Variants in CNTNAP5 observed in about 807,000 individuals in gnomAD.
CNTNAP5 encodes the protein contactin-associated protein-like 5.
In CNTNAP5, 72 loss-of-function variants were observed where a neutral mutation model predicts 150.2. That is an observed-to-expected ratio of 0.48 (90% CI 0.40 to 0.58). CNTNAP5 has a LOEUF of 0.58. Among genes scored for constraint, CNTNAP5 ranks in the 20% least tolerant of loss-of-function variants. CNTNAP5 has a pLI of 0.00. For synonymous variants in CNTNAP5, 672 were observed against 619.8 expected (o/e 1.08, Z -1.25); for missense variants, 1,636 against 1,626.2 (o/e 1.01, Z -0.10).
rs577959280 is a variant in CNTNAP5 at position 124,476,152 on chromosome 2, C to T, written c.1062+1270C>T. Among the ~76,000 whole-genome samples, 10 of 152,172 alleles carry T rather than the reference C, an allele frequency of 6.6e-5. No homozygotes were observed. The East Asian group carries it at 1.7e-3, about 26-fold the overall frequency. On this transcript the variant is annotated intron_variant, in intron 7 of 23. Transcript: ENST00000682447. The stretch of plus-strand genomic sequence containing the variant: ...AGAAACCTAATTTCCATTGACATCC[C>T]TTTATCTTCCCTTATTTATTTTACA...
intron 1 of CNTNAP5, among the ~76,000 whole-genome samples, chr2:124,073,125 A>G (rs1021534963): frequency 2.1e-4 from 32 of 152,156 alleles, no homozygotes; most frequent in African/African-American, 7.2e-4. Flanking sequence ...AGTCTCTTCA[A>G]TAAATGGTGC....
intron 1 of CNTNAP5, among the ~76,000 whole-genome samples, chr2:124,192,078 G>A (rs1026162671): frequency 2.6e-5 from 4 of 152,180 alleles, no homozygotes; most frequent in African/African-American, 4.8e-5. Flanking sequence ...TATTGCTTAA[G>A]TGTGGAGCAG....
chr2:124,756,501 A>AT (rs774868682), intron 14 of CNTNAP5, among the ~76,000 whole-genome samples: 46 of 152,322 alleles, frequency 3.0e-4, no homozygotes, highest in Non-Finnish European at 8.8e-5. Flanking sequence ...TAGCAAAGGC[A>AT]TGAAATCCAC....
chr2:124,706,732 GTGAGACTC>G (rs1679646236), intron 13 of CNTNAP5, among the ~76,000 whole-genome samples: 1 of 131,120 alleles, frequency 7.6e-6, no homozygotes, highest in African/African-American at 2.9e-5. Flanking sequence ...GAGTGACAGA[GTGAGACTC>G]TGTTTCAAGA....
intron 19 of CNTNAP5, among the ~76,000 whole-genome samples, chr2:124,805,707 C>G (rs1005672439): frequency 6.6e-6 from 1 of 152,204 alleles, no homozygotes; most frequent in Admixed American, 6.5e-5. Context: ...ATGACATAAA[C>G]AACAACAATT....
chr2:124,310,918 G>C (rs1277327777), intron 3 of CNTNAP5, among the ~76,000 whole-genome samples: 2 of 152,156 alleles, frequency 1.3e-5, no homozygotes, highest in Admixed American at 6.5e-5. Flanking sequence ...TAACCATGCT[G>C]AGTTTAATGC....
At chr2:124,501,508 T>C (rs1694279267) in intron 7 of CNTNAP5, among the ~76,000 whole-genome samples, 2 of 152,208 alleles carry the variant, frequency 1.3e-5, no homozygotes, top group Admixed American at 1.3e-4. Flanking sequence ...TCTAAAGTAA[T>C]GTCTTCTCAC....
intron 4 of CNTNAP5, among the ~76,000 whole-genome samples, chr2:124,429,449 ACTAGTGT>A (rs1370084118): frequency 6.6e-6 from 1 of 152,222 alleles, no homozygotes; most frequent in African/African-American, 2.4e-5. Context: ...AATACTCAAT[ACTAGTGT>A]CTGGGAAGGA....
At chr2:124,783,318 T>C (rs1249789429) in intron 17 of CNTNAP5, among the ~76,000 whole-genome samples, 1 of 152,136 alleles carries the variant, frequency 6.6e-6, no homozygotes, top group African/African-American at 2.4e-5. Flanking sequence ...TCATCATAAG[T>C]TTTAATGGTT....
At chr2:124,822,158 G>A (rs1175960234) in intron 19 of CNTNAP5, among the ~76,000 whole-genome samples, 1 of 152,124 alleles carries the variant, frequency 6.6e-6, no homozygotes, top group Non-Finnish European at 1.5e-5. Flanking sequence ...TCTGTGCTCT[G>A]TAGCCTCAGG....
At chr2:124,560,334 G>T (rs1695858666) in intron 10 of CNTNAP5, among the ~76,000 whole-genome samples, 1 of 151,942 alleles carries the variant, frequency 6.6e-6, no homozygotes, top group South Asian at 2.1e-4. Flanking sequence ...CCGTAGTAGA[G>T]ATGGATAAAC....
chr2:124,270,688 C>T (rs191934939), intron 3 of CNTNAP5, among the ~76,000 whole-genome samples: 8 of 151,486 alleles, frequency 5.3e-5, no homozygotes, highest in Admixed American at 3.9e-4. Flanking sequence ...CACATGTGCG[C>T]GTGCTTGCGT....
rs10564494 is a variant in CNTNAP5, at chr2:124,279,224, A to AGT, written c.381+36854_381+36855dup. On this transcript the variant is annotated intron_variant, in intron 3 of 23. Transcript: ENST00000682447. ...TATATTCTTAGTTAAAACTGTAGGAAGTGTGTGTGTGTGTGTGTGTGTGTC... is the reference window on the plus strand; with the variant it reads ...TATATTCTTAGTTAAAACTGTAGGAAGTGTGTGTGTGTGTGTGTGTGTGTGTC... Among the ~76,000 whole-genome samples, 625 of 150,142 alleles carry AGT rather than the reference A, an allele frequency of 4.2e-3. 5 individuals carry two copies. Among genetic ancestry groups the AGT allele is most frequent in the East Asian group, 0.025 (125 of 5,074 alleles).
intron 19 of CNTNAP5, among the ~76,000 whole-genome samples, chr2:124,820,463 G>A (rs1682462504): frequency 1.3e-5 from 2 of 148,516 alleles, no homozygotes; most frequent in Admixed American, 6.6e-5. Context: ...GAGGTGGAAA[G>A]GAAGGGGAAA....
chr2:124,177,797 C>T (rs1685104646), intron 1 of CNTNAP5, among the ~76,000 whole-genome samples: 1 of 151,588 alleles, frequency 6.6e-6, no homozygotes, highest in African/African-American at 2.4e-5. Flanking sequence ...CTTTCTATAT[C>T]AGGTTTTTGT....
At chr2:124,282,560 T>C (rs1688039270) in intron 3 of CNTNAP5, among the ~76,000 whole-genome samples, 1 of 152,160 alleles carries the variant, frequency 6.6e-6, no homozygotes, top group African/African-American at 2.4e-5. Context: ...TTTCTATTTA[T>C]TAATGTATGT....
chr2:124,733,314 C>T (rs575513145), intron 13 of CNTNAP5, among the ~76,000 whole-genome samples: 2 of 151,928 alleles, frequency 1.3e-5, no homozygotes, highest in Admixed American at 6.6e-5. Flanking sequence ...AGATAGTATG[C>T]AGTCAGTCAA....
chr2:124,833,817 G>A (rs77657863), intron 19 of CNTNAP5, among the ~76,000 whole-genome samples: 1,564 of 152,174 alleles, frequency 0.01, 27 homozygotes, highest in African/African-American at 0.035. Flanking sequence ...GAAAAGGCAA[G>A]AGCTAAGGTC....
intron 6 of CNTNAP5, among the ~76,000 whole-genome samples, chr2:124,454,889 G>C (rs568891340): frequency 1.3e-5 from 2 of 151,886 alleles, no homozygotes; most frequent in Non-Finnish European, 2.9e-5. Context: ...GGGATACAGC[G>C]AAAGCAGGGC....
Sources: gnomAD v4.1 joint callset for allele counts (sites outside exome capture counted in the v4.1 genomes callset) on GRCh38, gnomAD v4.1.1 for gene constraint, MANE v1.5 for transcripts, NCBI Gene and HGNC (gene_info 2026-07-23, HGNC 2026-07-21) for gene names.